The following GCAT variants were observed in gnomAD, a reference collection of about 807,000 sequenced individuals.
GCAT encodes 2-amino-3-ketobutyrate coenzyme A ligase, mitochondrial.
Under a neutral mutation model 39.7 loss-of-function variants are expected in GCAT, and 26 were observed. That is an observed-to-expected ratio of 0.65 (90% CI 0.48 to 0.91). The LOEUF is 0.91. GCAT is among the 40% of genes least tolerant of loss of function. The pLI is 0.00. For synonymous variants in GCAT, 218 were observed against 237.2 expected, an observed-to-expected ratio of 0.92 and a Z score of 0.74; for missense variants, 550 against 576.2, an observed-to-expected ratio of 0.95 and a Z score of 0.47.
chr22:37,812,620 C>T (rs1050242092), intron 2 of GCAT, among the ~76,000 whole-genome samples: 1 of 152,202 alleles, frequency 6.6e-6, no homozygotes, highest in Non-Finnish European at 1.5e-5. Context: ...TTCTTCTCCA[C>T]GAGTGCCCGT....
intron 7 of GCAT, 96 bp from the exon 8 acceptor site, chr22:37,816,104 G>T: frequency 7.0e-7 from 1 of 1,432,974 alleles, no homozygotes; most frequent in Non-Finnish European, 9.4e-7. Context: ...GATCCTTCTT[G>T]CAGACTTGGG....
At chr22:37,814,032 G>A (rs1481178466) in intron 4 of GCAT, among the ~76,000 whole-genome samples, 1 of 152,010 alleles carries the variant, frequency 6.6e-6, no homozygotes, top group East Asian at 1.9e-4. Context: ...CTCCCAAAGT[G>A]CTGGGATTAT....
intron 2 of GCAT, among the ~76,000 whole-genome samples, chr22:37,811,878 A>AAAAC (rs1921638223): frequency 6.6e-6 from 1 of 150,524 alleles, no homozygotes; most frequent in Non-Finnish European, 1.5e-5. Flanking sequence ...TCTGTCTCAA[A>AAAAC]AAAAAAAAAA....
Position 37,813,610 on chromosome 22 carries a change from G to A in GCAT, c.576+1G>A, listed in dbSNP as rs140167531. On this transcript the variant is annotated splice_donor_variant, in intron 4 of 8. Coordinates refer to ENST00000248924, the MANE Select transcript of GCAT (RefSeq NM_014291.4). LOFTEE classifies it high-confidence loss of function. ...AGAAGCCAAGCTGCAGGAGGCCCAGGTGGGGCGACGCCTGGGTCCACCCTC... is the reference window on the plus strand; with the variant it reads ...AGAAGCCAAGCTGCAGGAGGCCCAGATGGGGCGACGCCTGGGTCCACCCTC... 36 of 1,601,794 alleles carry A rather than the reference G, an allele frequency of 2.2e-5. No individual in the cohort carries two copies. Among genetic ancestry groups the A allele is most frequent in the Non-Finnish European group, 2.8e-5 (33 of 1,174,960 alleles).
chr22:37,816,537 C>T (rs540554898), intron 8 of GCAT, 30 bp from the exon 9 acceptor site: 1 of 1,612,748 alleles, frequency 6.2e-7, no homozygotes, highest in Non-Finnish European at 8.5e-7. Flanking sequence ...CCTGTTGGTT[C>T]TGGCACGCCC....
In GCAT at chr22:37,815,854, A is replaced by G; in HGVS notation, c.986+20A>G. Reference sequence around the variant, plus strand: ...CCAGAGGTGCGACTCCCAGCAGGGCAGGCTCGGGGGCGGAGAGACGTGGTG... The same window carrying G: ...CCAGAGGTGCGACTCCCAGCAGGGCGGGCTCGGGGGCGGAGAGACGTGGTG... On this transcript the variant is annotated intron_variant, in intron 7 of 8. Coordinates refer to ENST00000248924, the MANE Select transcript of GCAT (RefSeq NM_014291.4). 6.2e-7 allele frequency: 1 copy of G among 1,612,762 alleles called. No homozygotes were observed. The highest frequency in any genetic ancestry group is 8.5e-7 in the Non-Finnish European group (1 of 1,179,310).
chr22:37,816,981 G>A, downstream of GCAT: 1 of 424,940 alleles, frequency 2.4e-6, no homozygotes, highest in South Asian at 3.0e-5. Context: ...GCTCTGAGGG[G>A]AGGCGCCTGA....
Position 37,815,729 on chromosome 22 carries a change from T to G in GCAT, c.881T>G (p.Phe294Cys). The G allele has an allele frequency of 6.2e-7, 1 of 1,613,746 alleles. No homozygotes were observed. Among genetic ancestry groups the G allele is most frequent in the South Asian group, 1.1e-5 (1 of 91,070 alleles). ...CGGCAGCGCGCCCGGCCATACCTCT[T>G]CTCCAACAGTCTGCCACCTGCTGTC... ...LLRQRARPYL[F>C]SNSLPPAVVG... Residue 294 changes from phenylalanine to cysteine, a missense_variant, in exon 7 of 9, where the codon TTC becomes TGC. Physicochemically the swap from Phe to Cys is radical, Grantham distance 205 (BLOSUM62 -2). Transcript: ENST00000248924.
intron 1 of GCAT, among the ~76,000 whole-genome samples, chr22:37,809,146 G>C (rs967038637): frequency 2.6e-5 from 4 of 152,232 alleles, no homozygotes; most frequent in African/African-American, 9.6e-5. Flanking sequence ...AGAGGTCCCA[G>C]GTAATCCCTT....
intron 6 of GCAT, 45 bp downstream of exon 6, chr22:37,815,545 G>T: frequency 6.5e-7 from 1 of 1,532,460 alleles, no homozygotes; most frequent in Non-Finnish European, 9.0e-7. Flanking sequence ...TCCTTTTGAA[G>T]GGCCCTGGAG....
At chr22:37,808,732 G>A (rs1921250280) in intron 1 of GCAT, among the ~76,000 whole-genome samples, 1 of 152,052 alleles carries the variant, frequency 6.6e-6, no homozygotes. Context: ...TGTCGCCCAG[G>A]CTGGAGTGCA....
Position 37,807,985 on chromosome 22 carries a change from C to A in GCAT, c.18C>A (p.Ala6=). Residue 6 remains alanine (A), a synonymous_variant, in exon 1 of 9, where the codon GCC becomes GCA. Transcript: ENST00000248924. ...TAGGAGCGATGTGGCCTGGGAACGC[C>A]TGGCGCGCCGCACTCTTCTGGGTGC... is the stretch of plus-strand genomic sequence containing the variant. MWPGN[A]WRAALFWVPR... 6.5e-7 allele frequency: 1 copy of A among 1,537,134 alleles called. No individual in the cohort carries two copies.
chr22:37,815,290 T>C lies in GCAT; in HGVS notation c.731+10T>C. 6.2e-7 allele frequency: 1 copy of C among 1,611,898 alleles called. No homozygotes were observed. Among genetic ancestry groups the C allele is most frequent in the East Asian group, 2.2e-5 (1 of 44,790 alleles). On this transcript the variant is annotated intron_variant, in intron 5 of 8. Transcript: ENST00000248924. ...TGGGGCCCACAGGACGGTGGGACCA[T>C]GTGGCACCTGAGGCCTGGGGTGGGG...
In GCAT at chr22:37,810,130, C is replaced by T; in HGVS notation, c.300C>T (p.Ser100=). 1 of 1,613,858 alleles carries T rather than the reference C, an allele frequency of 6.2e-7. No individual in the cohort carries two copies. The highest frequency in any genetic ancestry group is 1.3e-5 in the African/African-American group (1 of 75,042). ...QALEEFGAGL[S]SVRFICGTQS... ...TGGAGGAGTTTGGAGCTGGCCTCAG[C>T]TCTGTCCGCTTTATCTGTGGAACCC... Residue 100 remains serine, a synonymous_variant, in exon 2 of 9, where the codon AGC becomes AGT. Coordinates refer to ENST00000248924, the MANE Select transcript of GCAT (RefSeq NM_014291.4).
rs754270709 is a variant in GCAT at position 37,815,415 on chromosome 22, C to T, written c.732-3C>T. 6.8e-6 allele frequency: 11 copies of T among 1,609,714 alleles called. No individual in the cohort carries two copies. The highest frequency in any genetic ancestry group is 3.4e-5 in the Admixed American group (2 of 59,436). On this transcript the variant is annotated splice_polypyrimidine_tract_variant and splice_region_variant and intron_variant, in intron 5 of 8. Coordinates refer to ENST00000248924, the MANE Select transcript of GCAT (RefSeq NM_014291.4). ...GTGACAGCAGCGGTGGCTTCCCTTG[C>T]AGGGGCACAGATGAGCTGCTGGGTG... is the stretch of plus-strand genomic sequence containing the variant.
intron 6 of GCAT, 59 bp downstream of exon 6, chr22:37,815,559 C>T: frequency 6.6e-7 from 1 of 1,523,768 alleles, no homozygotes; most frequent in Non-Finnish European, 9.0e-7. Context: ...CCTGGAGGGG[C>T]TCAGGGAAGT....
At chr22:37,808,769 C>G (rs1311956965) in intron 1 of GCAT, among the ~76,000 whole-genome samples, 1 of 152,156 alleles carries the variant, frequency 6.6e-6, no homozygotes, top group Non-Finnish European at 1.5e-5. Context: ...TCACTGCAAC[C>G]TCTGCCTCCC....
At chr22:37,813,408 A>T in intron 3 of GCAT, 55 bp from the exon 4 acceptor site, 2 of 1,540,004 alleles carry the variant, frequency 1.3e-6, no homozygotes, top group South Asian at 1.2e-5. Context: ...GTCCCGGTCA[A>T]GGGAGAAGCC....
At chr22:37,811,880 A>AAAG (rs963115289) in intron 2 of GCAT, among the ~76,000 whole-genome samples, 3 of 151,252 alleles carry the variant, frequency 2.0e-5, no homozygotes, top group African/African-American at 7.3e-5. Context: ...TGTCTCAAAA[A>AAAG]AAAAAAAAAA....
Sources: allele counts gnomAD v4.1 joint callset (sites outside exome capture counted in the v4.1 genomes callset), GRCh38; gene constraint gnomAD v4.1.1; transcripts MANE v1.5; gene names NCBI Gene and HGNC (gene_info 2026-07-23, HGNC 2026-07-21).